IPO5: variants seen among roughly 807,000 people sequenced by gnomAD.
The protein encoded by IPO5 is importin 5, also known as importin-5.
In IPO5, 18 loss-of-function variants were observed where a neutral mutation model predicts 143.3. The observed-to-expected ratio is 0.13, with a 90% CI of 0.09 to 0.19. The LOEUF is 0.19. Ranked by LOEUF, IPO5 falls within the 10% of genes least tolerant of loss-of-function variation. The pLI, the probability that IPO5 is intolerant of heterozygous loss-of-function variation, is 1.00. For synonymous variants in IPO5, 477 were observed against 465.7 expected, an observed-to-expected ratio of 1.02 and a Z score of -0.31; for missense variants, 1,013 against 1,336.9, an observed-to-expected ratio of 0.76 and a Z score of 3.78.
chr13:97,976,377 G>C (rs961887794), intron 3 of IPO5: 9 of 151,756 alleles, frequency 5.9e-5, no homozygotes, highest in Admixed American at 5.2e-4. Flanking sequence ...GGCGGCCCCC[G>C]ATGCGCGGCC....
intron 18 of IPO5, among the ~76,000 whole-genome samples, chr13:98,009,081 G>T (rs1002347338): frequency 9.2e-5 from 14 of 152,218 alleles, no homozygotes; most frequent in Admixed American, 9.2e-4. Flanking sequence ...GGGAGGGGTG[G>T]TAAGGACGAG....
Position 97,974,899 on chromosome 13 carries a change from A to G in IPO5, c.-4-1794A>G, listed in dbSNP as rs1874364040. Among the ~76,000 whole-genome samples, 5 of 152,194 alleles carry G rather than the reference A, an allele frequency of 3.3e-5. No individual in the cohort carries two copies. The East Asian group carries it at 9.6e-4, about 29-fold the overall frequency. ...AGAGAATTTTCTCTAGGAACCAATT[A>G]GAATCCTTTAGAAAAAAATCTTGGC... On this transcript the variant is annotated intron_variant, in intron 3 of 28. Coordinates refer to ENST00000651721, the MANE Select transcript of IPO5 (RefSeq NM_002271.6).
Position 97,992,993 on chromosome 13 carries a change from A to G in IPO5, c.771A>G (p.Ala257=). 1.2e-6 allele frequency: 2 copies of G among 1,613,846 alleles called. No individual in the cohort carries two copies. The highest frequency in any genetic ancestry group is 1.1e-5 in the South Asian group (1 of 91,048). The change falls in exon 10 of 29, where the codon GCA becomes GCG. Residue 257 remains alanine (A), a synonymous_variant. Coordinates refer to ENST00000651721, the MANE Select transcript of IPO5 (RefSeq NM_002271.6). ...AGTATTTGCGTCCTCACTTGGAAGCAACTCTACAGCTAAGTCTAAAGGTAA... is the reference window on the plus strand; with the variant it reads ...AGTATTTGCGTCCTCACTTGGAAGCGACTCTACAGCTAAGTCTAAAGGTAA... ...VPKYLRPHLE[A]TLQLSLKLCG...
chr13:98,003,504 A>G (rs1268347899), intron 16 of IPO5, among the ~76,000 whole-genome samples: 3 of 152,202 alleles, frequency 2.0e-5, no homozygotes, highest in Admixed American at 6.5e-5. Context: ...GGTGATTCTA[A>G]AAGACATTTC....
At chr13:97,965,755 TTG>T (rs35443379) in intron 2 of IPO5, among the ~76,000 whole-genome samples, 71,159 of 146,448 alleles carry the variant, frequency 0.49, 17,903 homozygotes, top group African/African-American at 0.68. Flanking sequence ...TTCTAATAGT[TTG>T]TGTGTGTGTG....
rs747172793 is a variant in IPO5 at position 97,961,528 on chromosome 13, AT to A, written c.-113+7334del. ...GACTGTTTTCCAAATTGGCTGTAACATTTTATGTTCCTATTAGCAAAGTATG... is the reference window on the plus strand; with the variant it reads ...GACTGTTTTCCAAATTGGCTGTAACATTTATGTTCCTATTAGCAAAGTATG... On this transcript the variant is annotated intron_variant, in intron 2 of 28. Transcript: ENST00000651721. Among the ~76,000 whole-genome samples, 20 of 152,258 alleles carry A rather than the reference AT, an allele frequency of 1.3e-4. 1 individual carries two copies. The Middle Eastern group carries it at 0.014, about 104-fold the overall frequency.
rs555630094 is a variant in IPO5, at chr13:98,007,040, A to ATT, written c.1716+703_1716+704dup. On this transcript the variant is annotated intron_variant, in intron 17 of 28. Coordinates refer to ENST00000651721, the MANE Select transcript of IPO5 (RefSeq NM_002271.6). Reference sequence around the variant, plus strand: ...GCCACCACTCCCAGCTGATTTTTGTATTTTTTTTTTTTAGTAGAGATGGGG... The same window carrying ATT: ...GCCACCACTCCCAGCTGATTTTTGTATTTTTTTTTTTTTTAGTAGAGATGGGG... 2.5e-3 allele frequency among the ~76,000 whole-genome samples: 347 copies of ATT among 138,862 alleles called. 2 individuals carry two copies. Among genetic ancestry groups the ATT allele is most frequent in the African/African-American group, 8.7e-3 (334 of 38,600 alleles). The allele number at this position is 138,862 out of a possible 152,430, so 91.1% of individuals were successfully genotyped here.
At chr13:97,972,341 C>T (rs1885891575) in intron 3 of IPO5, among the ~76,000 whole-genome samples, 1 of 152,134 alleles carries the variant, frequency 6.6e-6, no homozygotes, top group Admixed American at 6.5e-5. Context: ...CAGAACACTC[C>T]CATCAACATG....
At chr13:97,985,677 T>A (rs60936969) in intron 6 of IPO5, 64 bp downstream of exon 6, 459,476 of 1,063,980 alleles carry the variant, frequency 0.43, 107,490 homozygotes, top group Non-Finnish European at 0.5. Flanking sequence ...TTTTTTTTTT[T>A]AATGGAATCT....
At chr13:97,984,273 C>T (rs960758444) in intron 5 of IPO5, among the ~76,000 whole-genome samples, 8 of 152,100 alleles carry the variant, frequency 5.3e-5, no homozygotes, top group Non-Finnish European at 1.2e-4. Flanking sequence ...CCACCGCGCC[C>T]GGCCTAGGGT....
At chr13:97,957,658 T>G (rs908630437) in intron 2 of IPO5, among the ~76,000 whole-genome samples, 3 of 152,058 alleles carry the variant, frequency 2.0e-5, no homozygotes, top group Non-Finnish European at 4.4e-5. Context: ...TCCTGAAGTA[T>G]AAGAAAAAAT....
chr13:97,987,583 G>C (rs1887477642), intron 6 of IPO5, among the ~76,000 whole-genome samples: 1 of 152,134 alleles, frequency 6.6e-6, no homozygotes, highest in African/African-American at 2.4e-5. Context: ...ACAGTGGTGT[G>C]ATCATGGCTT....
chr13:98,008,119 G>C lies in IPO5; in HGVS notation c.1777G>C (p.Asp593His). ...GTTAAAGACCCAGACAGACTTCAAT[G>C]ATATGGAAGATGATGATCCTCAGGT... ...LLLKTQTDFNDMEDDDPQISY... is the reference protein window; with the variant it reads ...LLLKTQTDFNHMEDDDPQISY... Residue 593 changes from aspartate to histidine, a missense_variant, in exon 18 of 29, where the codon GAT (aspartate) becomes CAT (histidine). Asp to His is a moderately conservative substitution (Grantham distance 81). Transcript: ENST00000651721. 6.2e-7 allele frequency: 1 copy of C among 1,608,462 alleles called. No homozygotes were observed. The highest frequency in any genetic ancestry group is 8.5e-7 in the Non-Finnish European group (1 of 1,174,862).
Position 98,010,240 on chromosome 13 carries a change from T to C in IPO5, c.2055+16T>C. 1.2e-6 allele frequency: 2 copies of C among 1,607,510 alleles called. No individual in the cohort carries two copies. Among genetic ancestry groups the C allele is most frequent in the Non-Finnish European group, 1.7e-6 (2 of 1,178,058 alleles). ...CCAGATGTTGGTAAGAGAGCACTGT[T>C]TTTACTAAACTTTTATTTTACATCT... On this transcript the variant is annotated intron_variant, in intron 20 of 28. Transcript: ENST00000651721.
Position 98,000,661 on chromosome 13 carries a change from C to G in IPO5, c.1108+16C>G, listed in dbSNP as rs1594099123. ...CTTCAAAATCGTAAGCTGTGTCCTTCAAATGCTAGAAGAGTGAAGTTGTGC... is the reference window on the plus strand; with the variant it reads ...CTTCAAAATCGTAAGCTGTGTCCTTGAAATGCTAGAAGAGTGAAGTTGTGC... On this transcript the variant is annotated intron_variant, in intron 13 of 28. Transcript: ENST00000651721. 1.3e-6 allele frequency: 2 copies of G among 1,543,524 alleles called. No homozygotes were observed. Among genetic ancestry groups the G allele is most frequent in the East Asian group, 4.5e-5 (2 of 44,534 alleles).
intron 22 of IPO5, 107 bp from the exon 23 acceptor site, chr13:98,015,423 G>A (rs1191008663): frequency 3.0e-6 from 2 of 663,438 alleles, no homozygotes; most frequent in East Asian, 2.5e-5. Context: ...TAATCTTCCA[G>A]GATACTGAAC....
At chr13:98,011,537 A>G (rs1263084473) in intron 20 of IPO5, among the ~76,000 whole-genome samples, 2 of 138,356 alleles carry the variant, frequency 1.4e-5, no homozygotes, top group African/African-American at 2.8e-5. Flanking sequence ...TGATCCGTCT[A>G]ACTCTGTCAG....
chr13:98,013,673 G>A (rs533629388), intron 21 of IPO5, among the ~76,000 whole-genome samples: 6 of 152,216 alleles, frequency 3.9e-5, no homozygotes, highest in African/African-American at 1.4e-4. Flanking sequence ...AGAGGTCCTC[G>A]GTGGTCTTTT....
In IPO5 at chr13:97,990,524, C is replaced by T. The variant is rs147118711; in HGVS notation, c.656C>T (p.Pro219Leu). The T allele has an allele frequency of 3.1e-4, 485 of 1,580,852 alleles. No individual in the cohort carries two copies. The African/African-American group carries it at 4.9e-3, about 16-fold the overall frequency. Residue 219 changes from proline (P) to leucine (L), a missense_variant, in exon 9 of 29, where the codon CCG (proline) becomes CTG (leucine). Physicochemically the swap from Pro to Leu is moderately conservative, Grantham distance 98. Transcript: ENST00000651721. ...TTCAAACATTTTGCAGACTTGCTAC[C>T]GGGATTCCTACAGGTATGAAAGCAA... The part of the protein sequence containing the change: ...ALFKHFADLL[P>L]GFLQAVNDSC...
Sources: gnomAD v4.1 joint callset for allele counts (sites outside exome capture counted in the v4.1 genomes callset) on GRCh38, gnomAD v4.1.1 for gene constraint, MANE v1.5 for transcripts, NCBI Gene and HGNC (gene_info 2026-07-23, HGNC 2026-07-21) for gene names.